The following ASAP1 variants were observed in gnomAD, a reference collection of about 807,000 sequenced individuals.
The protein encoded by ASAP1 is arf-GAP with SH3 domain, ANK repeat and PH domain-containing protein 1.
In ASAP1, 43 loss-of-function variants were observed where a neutral mutation model predicts 145.2. The observed-to-expected ratio is 0.30, with a 90% CI of 0.23 to 0.38. ASAP1 has a LOEUF of 0.38. Among genes scored for constraint, ASAP1 ranks in the 10% least tolerant of loss-of-function variants. ASAP1 has a pLI of 1.00. For synonymous variants in ASAP1, 546 were observed against 515.5 expected (o/e 1.06, Z -0.80); for missense variants, 1,018 against 1,355.3 (o/e 0.75, Z 3.91).
intron 15 of ASAP1, among the ~76,000 whole-genome samples, chr8:130,131,670 G>C (rs1451750656): frequency 6.8e-6 from 1 of 147,750 alleles, no homozygotes; most frequent in Non-Finnish European, 1.5e-5. Flanking sequence ...CGTGCTTATA[G>C]CACTAGCTAC....
chr8:130,361,605 G>T, intron 2 of ASAP1: 1 of 1,188,372 alleles, frequency 8.4e-7, no homozygotes. Context: ...ATTGTGCTTT[G>T]GTAAGTATAT....
intron 3 of ASAP1, among the ~76,000 whole-genome samples, chr8:130,285,295 A>T (rs1341066436): frequency 6.6e-6 from 1 of 152,208 alleles, no homozygotes; most frequent in African/African-American, 2.4e-5. Flanking sequence ...TGGAATACTC[A>T]AGGAGTTGTA....
intron 27 of ASAP1, among the ~76,000 whole-genome samples, chr8:130,075,683 T>A (rs150324560): frequency 8.8e-4 from 134 of 152,310 alleles, no homozygotes; most frequent in Non-Finnish European, 1.5e-3. Context: ...CTATCACTTG[T>A]GTTGTAATAA....
intron 15 of ASAP1, among the ~76,000 whole-genome samples, chr8:130,132,219 C>T (rs1407835953): frequency 6.6e-6 from 1 of 152,186 alleles, no homozygotes. Context: ...TCCCTACTTT[C>T]TGGGGTTGTG....
intron 2 of ASAP1, among the ~76,000 whole-genome samples, chr8:130,366,269 G>T (rs539301454): frequency 6.6e-6 from 1 of 152,324 alleles, no homozygotes; most frequent in Non-Finnish European, 1.5e-5. Flanking sequence ...ACAGTATAAA[G>T]TTTGGCACAC....
chr8:130,395,027 G>A (rs771336040), intron 2 of ASAP1, among the ~76,000 whole-genome samples: 2 of 152,164 alleles, frequency 1.3e-5, no homozygotes, highest in Non-Finnish European at 2.9e-5. Context: ...AGCATAAGAA[G>A]CAAAAACTAA....
chr8:130,158,956 C>T (rs2097663525), intron 12 of ASAP1, among the ~76,000 whole-genome samples: 1 of 152,058 alleles, frequency 6.6e-6, no homozygotes, highest in African/African-American at 2.4e-5. Flanking sequence ...TGGTCTCGAT[C>T]TCCTGACCTC....
At chr8:130,118,399 T>C (rs2097559891) in intron 19 of ASAP1, 90 bp downstream of exon 19, 1 of 1,418,298 alleles carries the variant, frequency 7.1e-7, no homozygotes, top group Admixed American at 2.1e-5. Flanking sequence ...TGTATAAGAA[T>C]CTCATTATAT....
chr8:130,185,663 AG>A (rs1245998196), intron 7 of ASAP1, among the ~76,000 whole-genome samples: 3 of 144,264 alleles, frequency 2.1e-5, no homozygotes, highest in African/African-American at 7.8e-5. Flanking sequence ...CAGGAGGCAG[AG>A]GCTGCAGTGA....
rs551549029 is a variant in ASAP1, at chr8:130,107,275, C to T, written c.2401+4819G>A. On this transcript the variant is annotated intron_variant, in intron 24 of 29. Transcript: ENST00000518721. ...TCGGCTCACTGCAAGCTCCGCTTCC[C>T]GGGTTCACGCCATTCTCCTGCCTCA... 6.7e-5 allele frequency among the ~76,000 whole-genome samples: 10 copies of T among 149,724 alleles called. No individual in the cohort carries two copies. In the East Asian group the frequency reaches 1.6e-3, roughly 24 times the overall value.
At chr8:130,285,241 T>C (rs139977752) in intron 3 of ASAP1, among the ~76,000 whole-genome samples, 75 of 152,268 alleles carry the variant, frequency 4.9e-4, no homozygotes, top group African/African-American at 1.8e-3. Flanking sequence ...CTTTAAATAG[T>C]TGACCTTCCT....
chr8:130,295,511 G>A (rs184311251), intron 3 of ASAP1, among the ~76,000 whole-genome samples: 57 of 152,186 alleles, frequency 3.7e-4, no homozygotes, highest in African/African-American at 1.3e-3. Context: ...ACAGGGATAC[G>A]GGATAATAAT....
intron 26 of ASAP1, among the ~76,000 whole-genome samples, chr8:130,078,137 A>C (rs1272692989): frequency 6.6e-6 from 1 of 151,810 alleles, no homozygotes; most frequent in Non-Finnish European, 1.5e-5. Context: ...CTACAGGCGC[A>C]CCCCACTATG....
intron 2 of ASAP1, among the ~76,000 whole-genome samples, chr8:130,389,394 T>C (rs1828170787): frequency 6.6e-6 from 1 of 152,238 alleles, no homozygotes; most frequent in African/African-American, 2.4e-5. Context: ...AATGCACTAA[T>C]TGTGTTTCTG....
chr8:130,293,579 G>C (rs183408492), intron 3 of ASAP1, among the ~76,000 whole-genome samples: 3 of 152,310 alleles, frequency 2.0e-5, no homozygotes, highest in African/African-American at 7.2e-5. Flanking sequence ...AAAGTAGTAA[G>C]TAAGGATTCC....
intron 3 of ASAP1, among the ~76,000 whole-genome samples, chr8:130,284,246 T>A (rs1472874248): frequency 6.6e-6 from 1 of 152,158 alleles, no homozygotes; most frequent in Admixed American, 6.5e-5. Context: ...TTAGTAATAA[T>A]GATCCAAGAT....
intron 1 of ASAP1, among the ~76,000 whole-genome samples, chr8:130,404,064 G>A (rs939874782): frequency 1.3e-5 from 2 of 152,170 alleles, no homozygotes; most frequent in African/African-American, 4.8e-5. Flanking sequence ...ATGTTTCAAC[G>A]TGAAGACTGA....
At chr8:130,408,333 T>C (rs932059418) in intron 1 of ASAP1, among the ~76,000 whole-genome samples, 11 of 152,158 alleles carry the variant, frequency 7.2e-5, no homozygotes, top group Non-Finnish European at 1.2e-4. Flanking sequence ...CCAACGTGAG[T>C]GGGCATCATC....
chr8:130,441,156 G>A (rs1830475674), intron 1 of ASAP1, among the ~76,000 whole-genome samples: 1 of 152,156 alleles, frequency 6.6e-6, no homozygotes, highest in Non-Finnish European at 1.5e-5. Context: ...TTGAGAACAG[G>A]GTCCTATTCA....
Sources: gnomAD v4.1 joint callset for allele counts (sites outside exome capture counted in the v4.1 genomes callset) on GRCh38, gnomAD v4.1.1 for gene constraint, MANE v1.5 for transcripts, NCBI Gene and HGNC (gene_info 2026-07-23, HGNC 2026-07-21) for gene names.